Variants in ZNF385B observed in about 807,000 individuals in gnomAD.
ZNF385B encodes zinc finger protein 533.
A neutral mutation model predicts 39.2 loss-of-function variants in ZNF385B; 23 were observed. The ratio of observed to expected loss-of-function variants is 0.59; its 90% CI spans 0.42 to 0.83. The LOEUF (loss-of-function observed/expected upper bound fraction) is 0.83, where lower values mean the gene tolerates loss of function less well. Among genes scored for constraint, ZNF385B ranks in the 40% least tolerant of loss-of-function variants. The probability of loss-of-function intolerance (pLI) is 0.00; values close to 1 mark genes in which losing one functional copy is unlikely to be tolerated. For missense variants in ZNF385B, 552 were observed against 598.9 expected (o/e 0.92, Z 0.82); for synonymous variants, 205 against 222.6 (o/e 0.92, Z 0.70).
chr2:179,501,752 A>T (rs2056783475), intron 5 of ZNF385B, among the ~76,000 whole-genome samples: 1 of 152,176 alleles, frequency 6.6e-6, no homozygotes, highest in African/African-American at 2.4e-5. Context: ...ATTGTTTGTA[A>T]CTCAAAGGAT....
intron 3 of ZNF385B, chr2:179,745,715 C>G: frequency 6.5e-7 from 1 of 1,543,418 alleles, no homozygotes; most frequent in Non-Finnish European, 8.7e-7. Context: ...ACGCTCACCT[C>G]TGCTAGGAAG....
intron 1 of ZNF385B, among the ~76,000 whole-genome samples, chr2:179,827,579 T>G (rs1302542735): frequency 6.6e-6 from 1 of 152,178 alleles, no homozygotes; most frequent in Non-Finnish European, 1.5e-5. Flanking sequence ...ATTTAAATAA[T>G]GTTAAATAAT....
intron 3 of ZNF385B, among the ~76,000 whole-genome samples, chr2:179,663,713 CAAAAAAAA>C (rs71401756): frequency 7.4e-5 from 5 of 67,732 alleles, no homozygotes; most frequent in South Asian, 5.8e-4. Context: ...GACTCCGTCT[CAAAAAAAA>C]AAAAAAAAAA....
At chr2:179,599,042 C>T (rs1050022006) in intron 3 of ZNF385B, among the ~76,000 whole-genome samples, 1 of 152,168 alleles carries the variant, frequency 6.6e-6, no homozygotes, top group Admixed American at 6.6e-5. Flanking sequence ...TGTGAGGAAT[C>T]ATGATTTAAT....
chr2:179,553,203 T>C (rs373471286), intron 3 of ZNF385B, among the ~76,000 whole-genome samples: 9 of 149,248 alleles, frequency 6.0e-5, no homozygotes, highest in African/African-American at 2.3e-4. Context: ...CAAACAGATA[T>C]AGTATTCAAC....
chr2:179,640,282 A>G (rs1234213000), intron 3 of ZNF385B, among the ~76,000 whole-genome samples: 3 of 152,164 alleles, frequency 2.0e-5, no homozygotes, highest in African/African-American at 7.2e-5. Flanking sequence ...TATCACTACT[A>G]CTTTATCAAT....
At chr2:179,711,501 C>T (rs1285026264) in intron 3 of ZNF385B, among the ~76,000 whole-genome samples, 1 of 152,074 alleles carries the variant, frequency 6.6e-6, no homozygotes, top group African/African-American at 2.4e-5. Flanking sequence ...TACCTGATAG[C>T]AAGAGTTTAA....
intron 3 of ZNF385B, among the ~76,000 whole-genome samples, chr2:179,729,435 G>T (rs1360733485): frequency 6.6e-6 from 1 of 152,174 alleles, no homozygotes; most frequent in African/African-American, 2.4e-5. Flanking sequence ...AAACCTCTCA[G>T]AAGTTTCAAG....
At chr2:179,566,398 G>C (rs1684581349) in intron 3 of ZNF385B, among the ~76,000 whole-genome samples, 2 of 152,126 alleles carry the variant, frequency 1.3e-5, no homozygotes, top group Admixed American at 1.3e-4. Context: ...CTACTATAAG[G>C]GGTCTTGAAA....
At chr2:179,585,699 TAC>T (rs1227209544) in intron 3 of ZNF385B, among the ~76,000 whole-genome samples, 1 of 152,228 alleles carries the variant, frequency 6.6e-6, no homozygotes, top group East Asian at 1.9e-4. Flanking sequence ...GAAAGGATGT[TAC>T]AGACTTTCCT....
In ZNF385B at chr2:179,789,839, G is replaced by T. The variant is rs577167519; in HGVS notation, c.-154-19167C>A. ...GAGAAGTTTGCCTATTTGGGGATGG[G>T]AGGGCGGAAATGGAAATATAAGGAA... On this transcript the variant is annotated intron_variant, in intron 1 of 9. Coordinates refer to ENST00000410066, the MANE Select transcript of ZNF385B (RefSeq NM_152520.6). Among the ~76,000 whole-genome samples, 19 of 152,238 alleles carry T rather than the reference G, an allele frequency of 1.2e-4. No homozygotes were observed. The South Asian group carries it at 4.0e-3, about 32-fold the overall frequency.
intron 3 of ZNF385B, among the ~76,000 whole-genome samples, chr2:179,722,511 A>G (rs1211523215): frequency 6.6e-6 from 1 of 152,148 alleles, no homozygotes; most frequent in East Asian, 1.9e-4. Context: ...TATTCACTAA[A>G]TGACTCTGGA....
At chr2:179,768,792 T>C (rs1486459231) in intron 3 of ZNF385B, among the ~76,000 whole-genome samples, 2 of 152,238 alleles carry the variant, frequency 1.3e-5, no homozygotes, top group African/African-American at 4.8e-5. Context: ...GAGGAGGGGC[T>C]GCCCAAGGAT....
At chr2:179,554,367 G>T (rs1172664621) in intron 3 of ZNF385B, among the ~76,000 whole-genome samples, 1 of 149,342 alleles carries the variant, frequency 6.7e-6, no homozygotes, top group Non-Finnish European at 1.5e-5. Flanking sequence ...GATAAACTTT[G>T]AGGAATGGCT....
At chr2:179,624,283 G>A (rs1389185097) in intron 3 of ZNF385B, among the ~76,000 whole-genome samples, 2 of 152,130 alleles carry the variant, frequency 1.3e-5, no homozygotes, top group Non-Finnish European at 2.9e-5. Context: ...CTTCCCAGAA[G>A]GGTCTGGAAC....
chr2:179,840,036 G>A (rs1431114676), intron 1 of ZNF385B, among the ~76,000 whole-genome samples: 1 of 152,220 alleles, frequency 6.6e-6, no homozygotes. Context: ...AGAGCACAGG[G>A]TAGACAAGGG....
chr2:179,663,145 T>C (rs1038725853), intron 3 of ZNF385B, among the ~76,000 whole-genome samples: 2 of 152,236 alleles, frequency 1.3e-5, no homozygotes, highest in Non-Finnish European at 2.9e-5. Flanking sequence ...CTAAATATGA[T>C]GGTACTTGAA....
intron 1 of ZNF385B, among the ~76,000 whole-genome samples, chr2:179,816,676 G>A (rs912103715): frequency 3.9e-5 from 6 of 152,020 alleles, no homozygotes; most frequent in African/African-American, 1.5e-4. Context: ...TCCTAGGTAC[G>A]GTTTCCTAAA....
At chr2:179,486,189 A>G (rs545166053) in intron 5 of ZNF385B, among the ~76,000 whole-genome samples, 5 of 152,306 alleles carry the variant, frequency 3.3e-5, no homozygotes, top group Admixed American at 1.3e-4. Context: ...ATAATGATTA[A>G]TATTACTGAG....
Sources: gnomAD v4.1 joint callset for allele counts (sites outside exome capture counted in the v4.1 genomes callset) on GRCh38, gnomAD v4.1.1 for gene constraint, MANE v1.5 for transcripts, NCBI Gene and HGNC (gene_info 2026-07-23, HGNC 2026-07-21) for gene names.